Variants in CSMD1 observed in about 807,000 individuals in gnomAD.
CSMD1 encodes the protein CUB and Sushi multiple domains 1.
CSMD1 carries 213 observed loss-of-function variants against 417.5 expected under a neutral mutation model. The ratio of observed to expected loss-of-function variants is 0.51; its 90% CI spans 0.46 to 0.57. The LOEUF (loss-of-function observed/expected upper bound fraction) is 0.57, where lower values mean the gene tolerates loss of function less well. Among genes scored for constraint, CSMD1 ranks in the 20% least tolerant of loss-of-function variants. CSMD1 has a pLI of 0.00. For missense variants in CSMD1, 6,923 were observed against 4,529.7 expected, an observed-to-expected ratio of 1.53 and a Z score of -15.17; for synonymous variants, 2,862 against 1,736.8, an observed-to-expected ratio of 1.65 and a Z score of -16.11.
intron 23 of CSMD1, among the ~76,000 whole-genome samples, chr8:3,318,986 C>G (rs1274722902): frequency 6.6e-6 from 1 of 151,998 alleles, no homozygotes; most frequent in African/African-American, 2.4e-5. Flanking sequence ...AAAGGGAGAC[C>G]CAGAAACACA....
At chr8:3,172,858 G>A (rs561448280) in intron 37 of CSMD1, among the ~76,000 whole-genome samples, 1 of 152,320 alleles carries the variant, frequency 6.6e-6, no homozygotes, top group South Asian at 2.1e-4. Context: ...CAACAGTGGA[G>A]TGAGAAGCGG....
At chr8:4,597,111 T>TG (rs2130751597) in intron 2 of CSMD1, among the ~76,000 whole-genome samples, 1 of 18,842 alleles carries the variant, frequency 5.3e-5, no homozygotes, top group South Asian at 3.4e-3. Context: ...CAACACACAA[T>TG]TTTTTTTTTT....
chr8:3,358,467 C>T (rs1386531112), intron 21 of CSMD1, among the ~76,000 whole-genome samples: 1 of 152,200 alleles, frequency 6.6e-6, no homozygotes, highest in Non-Finnish European at 1.5e-5. Flanking sequence ...TACGATTCTC[C>T]TTTGCTAAAC....
At chr8:4,056,680 C>T (rs1798709794) in intron 3 of CSMD1, among the ~76,000 whole-genome samples, 1 of 151,844 alleles carries the variant, frequency 6.6e-6, no homozygotes. Context: ...TGCTATCCCT[C>T]CCCACTCCCC....
chr8:3,626,092 C>T (rs1392025637), intron 7 of CSMD1, among the ~76,000 whole-genome samples: 1 of 152,162 alleles, frequency 6.6e-6, no homozygotes, highest in Non-Finnish European at 1.5e-5. Context: ...TCCTCATCAC[C>T]ATCTGTCTGA....
intron 1 of CSMD1, among the ~76,000 whole-genome samples, chr8:4,840,081 G>C (rs1251736771): frequency 2.0e-5 from 3 of 152,156 alleles, no homozygotes; most frequent in Admixed American, 6.5e-5. Context: ...CCATAGGCTT[G>C]GGAAGAGCCT....
chr8:3,804,938 A>G (rs945693871), intron 5 of CSMD1, among the ~76,000 whole-genome samples: 1 of 152,202 alleles, frequency 6.6e-6, no homozygotes, highest in Non-Finnish European at 1.5e-5. Context: ...CACAGTAATG[A>G]ATGACTTCTC....
In CSMD1 at chr8:3,439,304, TATATA is replaced by T. The variant is rs1459724055; in HGVS notation, c.1561+29403_1561+29407del. 7.1e-3 allele frequency among the ~76,000 whole-genome samples: 333 copies of T among 46,688 alleles called. 12 individuals are homozygous for T. Among genetic ancestry groups the T allele is most frequent in the Middle Eastern group, 0.043 (3 of 70 alleles). The allele number at this position is 46,688 out of a possible 152,430, so 30.6% of individuals were successfully genotyped here. A position where few individuals can be genotyped will look rare whatever the true frequency, so the allele number is the denominator to read the frequency against. On this transcript the variant is annotated intron_variant, in intron 12 of 69. Coordinates refer to ENST00000635120, the MANE Select transcript of CSMD1 (RefSeq NM_033225.6). ...CAGTATATATATATATATATATATA[TATATA>T]TTTTTTTTTTTAATATGTATTTTTA...
In CSMD1 at chr8:4,657,718, A is replaced by G. The variant is rs550208217; in HGVS notation, c.86-20160T>C. Among the ~76,000 whole-genome samples, 28 of 150,576 alleles carry G rather than the reference A, an allele frequency of 1.9e-4. No homozygotes were observed. The South Asian group carries it at 4.6e-3, about 25-fold the overall frequency. ...GAAAATATGACCCACTCACAAAAGA[A>G]ATGAAAAAAAAAAAAACTCTCCCTG... On this transcript the variant is annotated intron_variant, in intron 1 of 69. Coordinates refer to ENST00000635120, the MANE Select transcript of CSMD1 (RefSeq NM_033225.6).
intron 15 of CSMD1, among the ~76,000 whole-genome samples, chr8:3,401,745 T>G (rs940463429): frequency 6.6e-6 from 1 of 152,146 alleles, no homozygotes; most frequent in African/African-American, 2.4e-5. Flanking sequence ...GACCCAGAAG[T>G]TGAGTACAGC....
intron 50 of CSMD1, among the ~76,000 whole-genome samples, chr8:3,042,114 G>T (rs1811137762): frequency 6.6e-6 from 1 of 152,098 alleles, no homozygotes; most frequent in Non-Finnish European, 1.5e-5. Context: ...AGCCACCCAG[G>T]CAGGAGGGTG....
At chr8:4,300,298 G>A (rs1480735629) in intron 3 of CSMD1, among the ~76,000 whole-genome samples, 1 of 152,152 alleles carries the variant, frequency 6.6e-6, no homozygotes, top group Non-Finnish European at 1.5e-5. Flanking sequence ...CACAGATGGG[G>A]AAATATGAGG....
At chr8:3,921,815 C>G (rs1427505068) in intron 5 of CSMD1, among the ~76,000 whole-genome samples, 1 of 152,050 alleles carries the variant, frequency 6.6e-6, no homozygotes, top group Non-Finnish European at 1.5e-5. Flanking sequence ...ATGATCTATC[C>G]TGGAGAGAGT....
chr8:3,274,891 G>C (rs968944283), intron 26 of CSMD1, among the ~76,000 whole-genome samples: 2 of 152,154 alleles, frequency 1.3e-5, no homozygotes, highest in African/African-American at 4.8e-5. Context: ...CAGTTTGCCA[G>C]TCTGTGTCTT....
intron 25 of CSMD1, among the ~76,000 whole-genome samples, chr8:3,290,484 G>C (rs1481143726): frequency 1.5e-5 from 1 of 65,912 alleles, no homozygotes; most frequent in Non-Finnish European, 3.6e-5. Context: ...CCATTTGTTT[G>C]TATCCTTTTA....
At chr8:3,136,536 A>T (rs1818102348) in intron 41 of CSMD1, among the ~76,000 whole-genome samples, 1 of 152,160 alleles carries the variant, frequency 6.6e-6, no homozygotes, top group Non-Finnish European at 1.5e-5. Context: ...AAGTGCTGGG[A>T]TTACAGACAT....
At chr8:4,825,176 C>A (rs1049777314) in intron 1 of CSMD1, among the ~76,000 whole-genome samples, 1 of 152,028 alleles carries the variant, frequency 6.6e-6, no homozygotes, top group Non-Finnish European at 1.5e-5. Flanking sequence ...TGTGACTTAT[C>A]TGACATTTTT....
At chr8:4,287,376 A>G (rs2128864611) in intron 3 of CSMD1, among the ~76,000 whole-genome samples, 1 of 152,328 alleles carries the variant, frequency 6.6e-6, no homozygotes, top group South Asian at 2.1e-4. Flanking sequence ...TAGAGGAACA[A>G]TGTAATGGAA....
intron 3 of CSMD1, among the ~76,000 whole-genome samples, chr8:4,295,197 T>C (rs1205816749): frequency 2.7e-5 from 2 of 75,450 alleles, no homozygotes; most frequent in African/African-American, 9.3e-5. Flanking sequence ...ATTATGCACA[T>C]ATAATCTTAA....
Sources: gnomAD v4.1 joint callset for allele counts (sites outside exome capture counted in the v4.1 genomes callset) on GRCh38, gnomAD v4.1.1 for gene constraint, MANE v1.5 for transcripts, NCBI Gene and HGNC (gene_info 2026-07-23, HGNC 2026-07-21) for gene names.